The following NTM variants were observed in gnomAD, a reference collection of about 807,000 sequenced individuals.
NTM encodes the protein neurotrimin.
In NTM, 13 loss-of-function variants were observed where a neutral mutation model predicts 42.1. The ratio of observed to expected loss-of-function variants is 0.31; its 90% confidence interval spans 0.20 to 0.49. The LOEUF is 0.49. NTM is among the 20% of genes least tolerant of loss of function. NTM has a pLI of 0.99. For synonymous variants in NTM, 187 were observed against 179.2 expected (o/e 1.04, Z -0.35); for missense variants, 373 against 452.8 (o/e 0.82, Z 1.60).
In NTM at chr11:131,638,619, A is replaced by T. The variant is rs867480678; in HGVS notation, c.82+267731A>T. ...CTAATAGGTAAATCACATAAAGAAA[A>T]CTTTTCTGGAATTGCTCTGATAAAA... On this transcript the variant is annotated intron_variant, in intron 1 of 8. Coordinates refer to ENST00000683400, the MANE Select transcript of NTM (RefSeq NM_001352005.2). Among the ~76,000 whole-genome samples, 98 of 151,294 alleles carry T rather than the reference A, an allele frequency of 6.5e-4. No homozygotes were observed. The Middle Eastern group carries it at 0.01, about 16-fold the overall frequency.
intron 2 of NTM, among the ~76,000 whole-genome samples, chr11:131,948,439 G>T (rs2060613978): frequency 6.6e-6 from 1 of 151,932 alleles, no homozygotes. Flanking sequence ...GGCTTATTTT[G>T]GGGGAACTGC....
chr11:131,498,009 C>T (rs1955529037), intron 1 of NTM, among the ~76,000 whole-genome samples: 1 of 152,246 alleles, frequency 6.6e-6, no homozygotes, highest in Non-Finnish European at 1.5e-5. Context: ...GCAGTAGGGA[C>T]TAGCTGCGTT....
chr11:131,717,970 T>C (rs781269523), intron 1 of NTM, among the ~76,000 whole-genome samples: 1 of 152,238 alleles, frequency 6.6e-6, no homozygotes, highest in Non-Finnish European at 1.5e-5. Flanking sequence ...GATAATCATA[T>C]GTTTTTCTTA....
intron 1 of NTM, among the ~76,000 whole-genome samples, chr11:131,405,435 C>A (rs992055266): frequency 6.6e-6 from 1 of 151,826 alleles, no homozygotes; most frequent in Admixed American, 6.6e-5. Context: ...TTGCCCAAAC[C>A]AAAACCTAAG....
chr11:132,221,806 A>G (rs375915234), intron 4 of NTM, among the ~76,000 whole-genome samples: 1 of 152,192 alleles, frequency 6.6e-6, no homozygotes, highest in African/African-American at 2.4e-5. Context: ...AGGCATGAAA[A>G]TCAGGGGGCA....
chr11:131,738,237 C>T (rs2135552186), intron 1 of NTM, among the ~76,000 whole-genome samples: 1 of 152,290 alleles, frequency 6.6e-6, no homozygotes, highest in East Asian at 1.9e-4. Context: ...GACTCAGGGT[C>T]CTGAGTTGCT....
intron 2 of NTM, among the ~76,000 whole-genome samples, chr11:131,975,456 G>C (rs1043387037): frequency 6.6e-6 from 1 of 152,156 alleles, no homozygotes; most frequent in Non-Finnish European, 1.5e-5. Context: ...GGGATTACAG[G>C]CGTGAGCCAC....
At chr11:131,768,588 A>G (rs12418458) in intron 1 of NTM, among the ~76,000 whole-genome samples, 2 of 152,238 alleles carry the variant, frequency 1.3e-5, no homozygotes, top group African/African-American at 2.4e-5. Context: ...AGGACAGCTA[A>G]CAATGGGTAA....
intron 1 of NTM, among the ~76,000 whole-genome samples, chr11:131,574,068 G>A (rs991320308): frequency 3.9e-5 from 6 of 152,258 alleles, no homozygotes; most frequent in African/African-American, 1.2e-4. Context: ...GGAGGAGTTC[G>A]GCTGTGCAGG....
At chr11:132,212,855 T>C (rs1444169006) in intron 4 of NTM, among the ~76,000 whole-genome samples, 1 of 152,138 alleles carries the variant, frequency 6.6e-6, no homozygotes, top group Admixed American at 6.5e-5. Context: ...TATTGAGTGC[T>C]TGTAATAGTC....
At chr11:131,885,151 A>T (rs1204292802) in intron 1 of NTM, among the ~76,000 whole-genome samples, 1 of 152,158 alleles carries the variant, frequency 6.6e-6, no homozygotes, top group African/African-American at 2.4e-5. Context: ...TGGACACCAC[A>T]CCTCACCCGG....
At chr11:131,627,219 A>ATTTTTTTTTT (rs143207154) in intron 1 of NTM, among the ~76,000 whole-genome samples, 2 of 139,664 alleles carry the variant, frequency 1.4e-5, no homozygotes, top group Non-Finnish European at 1.6e-5. Flanking sequence ...GGCGGCTTTT[A>ATTTTTTTTTT]TTTATTTATT....
chr11:132,278,105 C>G (rs1391815206), intron 4 of NTM, among the ~76,000 whole-genome samples: 1 of 152,204 alleles, frequency 6.6e-6, no homozygotes, highest in Non-Finnish European at 1.5e-5. Context: ...GACACTTCTT[C>G]CTTACCTTAG....
intron 1 of NTM, among the ~76,000 whole-genome samples, chr11:131,702,191 G>C (rs1303538000): frequency 6.6e-6 from 1 of 151,992 alleles, no homozygotes; most frequent in African/African-American, 2.4e-5. Flanking sequence ...CTTTCACCAG[G>C]GATCGGCCCA....
chr11:131,709,539 A>C (rs2076911938), intron 1 of NTM, among the ~76,000 whole-genome samples: 1 of 152,208 alleles, frequency 6.6e-6, no homozygotes, highest in African/African-American at 2.4e-5. Flanking sequence ...TTAACCTAAA[A>C]GTTTTTGGCC....
intron 1 of NTM, among the ~76,000 whole-genome samples, chr11:131,511,738 C>T (rs2048280637): frequency 6.6e-6 from 1 of 152,208 alleles, no homozygotes; most frequent in Admixed American, 6.5e-5. Context: ...CACCTCCTTT[C>T]TGTGCATACT....
chr11:131,501,796 G>A (rs2046866963), intron 1 of NTM, among the ~76,000 whole-genome samples: 1 of 152,132 alleles, frequency 6.6e-6, no homozygotes, highest in South Asian at 2.1e-4. Flanking sequence ...CAAGGGTTTT[G>A]GCCTGAGCAA....
At chr11:132,152,842 G>A (rs545840977) in intron 3 of NTM, among the ~76,000 whole-genome samples, 84 of 152,350 alleles carry the variant, frequency 5.5e-4, no homozygotes, top group African/African-American at 2.0e-3. Context: ...CAGAGGAAAA[G>A]TTATATTCAT....
At chr11:132,255,365 C>T (rs1591559721) in intron 4 of NTM, among the ~76,000 whole-genome samples, 1 of 152,292 alleles carries the variant, frequency 6.6e-6, no homozygotes, top group Middle Eastern at 3.4e-3. Context: ...CTAAAAACGG[C>T]TCTGATTAAG....
Sources: gnomAD v4.1 joint callset for allele counts (sites outside exome capture counted in the v4.1 genomes callset) on GRCh38, gnomAD v4.1.1 for gene constraint, MANE v1.5 for transcripts, NCBI Gene and HGNC (gene_info 2026-07-23, HGNC 2026-07-21) for gene names.